Variants in ZFR2 observed in about 807,000 individuals in gnomAD.
The protein encoded by ZFR2 is zinc finger RNA binding protein 2.
In ZFR2, 104 loss-of-function variants were observed where a neutral mutation model predicts 105.7. The ratio of observed to expected loss-of-function variants is 0.98; its 90% CI spans 0.84 to 1.16. ZFR2 has a LOEUF of 1.16. ZFR2 is among the 50% of genes most tolerant of loss of function. The pLI, the probability that ZFR2 is intolerant of heterozygous loss-of-function variation, is 0.00. For synonymous variants in ZFR2, 634 were observed against 597.7 expected, an observed-to-expected ratio of 1.06 and a Z score of -0.89; for missense variants, 1,425 against 1,355.5, an observed-to-expected ratio of 1.05 and a Z score of -0.80.
chr19:3,855,608 G>T, intron 1 of ZFR2: 2 of 466,092 alleles, frequency 4.3e-6, no homozygotes, highest in South Asian at 1.2e-4. Context: ...AATTCAACGC[G>T]ATCTGATGGT....
chr19:3,836,544 A>AT (rs559915681), intron 1 of ZFR2, among the ~76,000 whole-genome samples: 231 of 152,056 alleles, frequency 1.5e-3, no homozygotes, highest in Non-Finnish European at 2.6e-3. Flanking sequence ...CTCTGACTGT[A>AT]TTTTTTTTAA....
intron 1 of ZFR2, among the ~76,000 whole-genome samples, chr19:3,866,079 C>T (rs1203262601): frequency 2.6e-5 from 4 of 152,016 alleles, no homozygotes; most frequent in African/African-American, 9.7e-5. Context: ...TGACCTCAAG[C>T]GATCCGCTTG....
intron 12 of ZFR2, 100 bp downstream of exon 12, chr19:3,818,945 A>T: frequency 7.0e-7 from 1 of 1,427,832 alleles, no homozygotes; most frequent in Non-Finnish European, 9.3e-7. Context: ...CGACGGCTCC[A>T]GGCCCATCAG....
chr19:3,805,607 T>G lies in ZFR2; in HGVS notation c.*342A>C, dbSNP rs940404215. On this transcript the variant is annotated 3_prime_UTR_variant, in exon 19 of 19. Coordinates refer to ENST00000262961, the MANE Select transcript of ZFR2 (RefSeq NM_015174.2). ...CTCAGGCGATCTGCCCACCTCGGCC[T>G]CTCAAAGTGCTGGGATTACAGGCGT... 4.7e-6 allele frequency: 1 copy of G among 214,392 alleles called. No homozygotes were observed. Among genetic ancestry groups the G allele is most frequent in the Admixed American group, 5.6e-5 (1 of 17,844 alleles). The allele number at this position is 214,392 out of a possible 1,614,324, so 13.3% of individuals were successfully genotyped here.
intron 6 of ZFR2, among the ~76,000 whole-genome samples, chr19:3,826,627 G>A (rs1002958995): frequency 5.9e-5 from 9 of 151,840 alleles, no homozygotes; most frequent in Admixed American, 3.3e-4. Flanking sequence ...CAGTAGAGAC[G>A]GGGTTTCACC....
intron 1 of ZFR2, among the ~76,000 whole-genome samples, chr19:3,865,168 C>A (rs907306392): frequency 6.6e-6 from 1 of 152,094 alleles, no homozygotes; most frequent in African/African-American, 2.4e-5. Flanking sequence ...ATTCATAAGA[C>A]CATATAAAAT....
chr19:3,833,436 C>G (rs1243695300), intron 3 of ZFR2: 1 of 394,748 alleles, frequency 2.5e-6, no homozygotes, highest in Non-Finnish European at 4.7e-6. Flanking sequence ...ATTAGCCGGG[C>G]GTGGTTGCAG....
intron 1 of ZFR2, among the ~76,000 whole-genome samples, chr19:3,846,698 G>T (rs1045298314): frequency 3.3e-5 from 5 of 152,160 alleles, no homozygotes; most frequent in Non-Finnish European, 7.4e-5. Flanking sequence ...TCTAAAAGAA[G>T]AATAATTGTT....
chr19:3,830,380 G>A (rs1426306363), intron 5 of ZFR2, among the ~76,000 whole-genome samples: 2 of 152,174 alleles, frequency 1.3e-5, no homozygotes, highest in African/African-American at 4.8e-5. Flanking sequence ...AGGCTGTAGC[G>A]AGCTGTGATT....
intron 1 of ZFR2, chr19:3,855,425 C>T (rs1439822119): frequency 5.5e-5 from 68 of 1,231,530 alleles, no homozygotes; most frequent in East Asian, 1.6e-4. Context: ...AAAGCAGTCC[C>T]GGGCGATCCG....
Position 3,831,194 on chromosome 19 carries a change from T to C in ZFR2, c.852+109A>G, listed in dbSNP as rs554780274. The C allele has an allele frequency of 1.6e-5, 22 of 1,403,118 alleles. No homozygotes were observed. In the Admixed American group the frequency reaches 4.4e-4, roughly 28 times the overall value. The allele number at this position is 1,403,118 out of a possible 1,614,324, so 86.9% of individuals were successfully genotyped here. On this transcript the variant is annotated intron_variant, in intron 5 of 18. Transcript: ENST00000262961. ...CAACATGCAAGTTAACACCAGACCT[T>C]CTTTCAGCAGGCAGCGACCCTGACC...
intron 1 of ZFR2, among the ~76,000 whole-genome samples, chr19:3,861,617 C>T (rs1388115776): frequency 6.7e-6 from 1 of 149,388 alleles, no homozygotes; most frequent in Admixed American, 6.8e-5. Flanking sequence ...CAGAGTGAGA[C>T]CCTATCTCAA....
At chr19:3,856,450 C>T (rs767637321) in intron 1 of ZFR2, among the ~76,000 whole-genome samples, 1 of 152,038 alleles carries the variant, frequency 6.6e-6, no homozygotes, top group East Asian at 1.9e-4. Context: ...TTAAAGTGCA[C>T]GGTTCGGTGG....
chr19:3,855,583 C>A, intron 1 of ZFR2: 1 of 572,170 alleles, frequency 1.7e-6, no homozygotes, highest in Admixed American at 4.4e-5. Flanking sequence ...CAGGGAGACA[C>A]GGGGTCAGCA....
rs2037673765 is a variant in ZFR2, at chr19:3,804,091, G to T, written c.*1858C>A. On this transcript the variant is annotated 3_prime_UTR_variant, in exon 19 of 19. Coordinates refer to ENST00000262961, the MANE Select transcript of ZFR2 (RefSeq NM_015174.2). Reference sequence around the variant, plus strand: ...GTAGCTCTACAAAGACATTCAGACAGAGCCACATGCAGGCTGTCCTTCAAA... The same window carrying T: ...GTAGCTCTACAAAGACATTCAGACATAGCCACATGCAGGCTGTCCTTCAAA... 2.0e-5 allele frequency: 3 copies of T among 152,326 alleles called. No homozygotes were observed. The highest frequency in any genetic ancestry group is 2.0e-4 in the Admixed American group (3 of 15,278). The allele number at this position is 152,326 out of a possible 1,614,324, so 9.4% of individuals were successfully genotyped here.
chr19:3,847,187 C>G (rs761881169), intron 1 of ZFR2, among the ~76,000 whole-genome samples: 1 of 152,162 alleles, frequency 6.6e-6, no homozygotes, highest in Non-Finnish European at 1.5e-5. Context: ...GCACACACAG[C>G]AGGTGAAAGT....
At chr19:3,849,028 A>C (rs1346945287) in intron 1 of ZFR2, among the ~76,000 whole-genome samples, 1 of 150,594 alleles carries the variant, frequency 6.6e-6, no homozygotes, top group East Asian at 2.1e-4. Context: ...CAAAAACCAA[A>C]CAAACAAAAA....
intron 17 of ZFR2, among the ~76,000 whole-genome samples, chr19:3,808,335 C>T (rs752081761): frequency 5.9e-5 from 9 of 152,256 alleles, no homozygotes; most frequent in Non-Finnish European, 1.0e-4. Flanking sequence ...GCTCCCTTTT[C>T]ACTTGCTATC....
chr19:3,845,896 G>A (rs1052317270), intron 1 of ZFR2, among the ~76,000 whole-genome samples: 3 of 152,228 alleles, frequency 2.0e-5, no homozygotes, highest in African/African-American at 7.2e-5. Context: ...ACACAGGAAG[G>A]TGTGGGAAAA....
Sources: gnomAD v4.1 joint callset for allele counts (sites outside exome capture counted in the v4.1 genomes callset) on GRCh38, gnomAD v4.1.1 for gene constraint, MANE v1.5 for transcripts, NCBI Gene and HGNC (gene_info 2026-07-23, HGNC 2026-07-21) for gene names.